SEPTIN6: variants seen among roughly 807,000 people sequenced by gnomAD.
SEPTIN6 encodes septin 6, also known as septin-6.
SEPTIN6 carries 8 observed loss-of-function variants against 33.6 expected under a neutral mutation model. The observed-to-expected ratio is 0.24, with a 90% CI of 0.14 to 0.43. SEPTIN6 has a LOEUF of 0.43. Ranked by LOEUF, SEPTIN6 falls within the 20% of genes least tolerant of loss-of-function variation. SEPTIN6 has a pLI of 1.00. For missense variants in SEPTIN6, 250 were observed against 340.8 expected (o/e 0.73, Z 2.10); for synonymous variants, 131 against 140.0 (o/e 0.94, Z 0.45).
chrX:119,652,141 C>T (rs2054361339), intron 4 of SEPTIN6, among the ~76,000 whole-genome samples: 1 of 112,015 alleles, frequency 8.9e-6, no homozygotes, highest in Non-Finnish European at 1.9e-5. Flanking sequence ...CCAGGCTGGT[C>T]TCGAACTCCT....
chrX:119,666,506 G>A (rs1201530633), intron 2 of SEPTIN6, among the ~76,000 whole-genome samples: 1 of 111,636 alleles, frequency 9.0e-6, no homozygotes, highest in Non-Finnish European at 1.9e-5. Context: ...TCTGTGTGTG[G>A]ACAGAGAGAA....
chrX:119,670,535 T>C (rs1275601615), intron 2 of SEPTIN6, among the ~76,000 whole-genome samples: 2 of 88,332 alleles, frequency 2.3e-5, no homozygotes, highest in East Asian at 7.0e-4. Flanking sequence ...CACTGCAGCC[T>C]GGGTGACAGA....
chrX:119,692,960 C>T lies in SEPTIN6; in HGVS notation c.30+116G>A, dbSNP rs2055204485. 2.2e-5 allele frequency: 17 copies of T among 767,402 alleles called. No individual in the cohort carries two copies. In the South Asian group the frequency reaches 3.0e-4, roughly 13 times the overall value. 63.2% of individuals were successfully genotyped at this position (767,402 alleles called of 1,213,427 possible). A position where few individuals can be genotyped will look rare whatever the true frequency, so the allele number is the denominator to read the frequency against. ...CCCGGGAGCAGAAGTCCCACCGTGC[C>T]CTTGGCTCCTGGATGCTGCCCACTG... On this transcript the variant is annotated intron_variant, in intron 1 of 10. Coordinates refer to ENST00000394610, the MANE Select transcript of SEPTIN6 (RefSeq NM_145799.4).
downstream of SEPTIN6, chrX:119,616,629 G>A (rs1335734629): frequency 2.1e-6 from 2 of 975,259 alleles, no homozygotes; most frequent in Non-Finnish European, 2.9e-6. Flanking sequence ...CAGTTTGAGG[G>A]GAGAGGAAAT....
intron 8 of SEPTIN6, among the ~76,000 whole-genome samples, chrX:119,630,721 C>T (rs2053942557): frequency 9.0e-6 from 1 of 110,672 alleles, no homozygotes. Context: ...GGTGAAACCT[C>T]GTCTCTACTA....
At chrX:119,691,303 G>A (rs1166418452) in intron 1 of SEPTIN6, among the ~76,000 whole-genome samples, 2 of 111,926 alleles carry the variant, frequency 1.8e-5, no homozygotes, top group Non-Finnish European at 3.8e-5. Flanking sequence ...TGGAGGACAG[G>A]TCGATGCAAA....
At chrX:119,655,554 G>T (rs1244870882) in intron 3 of SEPTIN6, among the ~76,000 whole-genome samples, 1 of 111,231 alleles carries the variant, frequency 9.0e-6, no homozygotes. Context: ...CTTCTCAACT[G>T]GAAATTTCTT....
chrX:119,675,606 C>T lies in SEPTIN6; in HGVS notation c.93G>A (p.Gln31=). ...GHVGFDSLPD[Q]LVNKSVSQGF... ...CCTGGCTGACGGACTTATTCACCAG[C>T]TGGTCAGGCAAGCTGTCAAACCCCA... Residue 31 remains glutamine, a synonymous_variant, in exon 2 of 11, where the codon CAG becomes CAA. Transcript: ENST00000394610. 4.3e-6 allele frequency: 5 copies of T among 1,171,477 alleles called. No homozygotes were observed. The highest frequency in any genetic ancestry group is 4.6e-6 in the Non-Finnish European group (4 of 871,937).
At chrX:119,684,343 A>T (rs753968398) in intron 1 of SEPTIN6, among the ~76,000 whole-genome samples, 6 of 111,461 alleles carry the variant, frequency 5.4e-5, no homozygotes, top group African/African-American at 2.0e-4. Flanking sequence ...AAGTCAAATC[A>T]TATATCCTGA....
chrX:119,661,368 T>C (rs1364344317), intron 3 of SEPTIN6, among the ~76,000 whole-genome samples: 1 of 110,810 alleles, frequency 9.0e-6, no homozygotes, highest in Non-Finnish European at 1.9e-5. Context: ...GAGGCGGAGC[T>C]TGCAGTGAGC....
At chrX:119,648,420 G>A (rs183796127) in intron 5 of SEPTIN6, among the ~76,000 whole-genome samples, 2 of 111,590 alleles carry the variant, frequency 1.8e-5, no homozygotes, top group African/African-American at 3.3e-5. Flanking sequence ...GACACTTCTC[G>A]CGAGGCTCCC....
chrX:119,644,038 T>C (rs1247630908), intron 5 of SEPTIN6, among the ~76,000 whole-genome samples: 1 of 111,181 alleles, frequency 9.0e-6, no homozygotes, highest in Non-Finnish European at 1.9e-5. Flanking sequence ...TACTTCTAGG[T>C]CCTACCAATG....
chrX:119,653,303 T>C (rs2054380268), intron 3 of SEPTIN6, among the ~76,000 whole-genome samples: 1 of 111,741 alleles, frequency 8.9e-6, no homozygotes, highest in Non-Finnish European at 1.9e-5. Flanking sequence ...CTCCCAGACC[T>C]CAGGGCTCAG....
chrX:119,650,205 G>A, intron 4 of SEPTIN6, 107 bp from the exon 5 acceptor site: 1 of 756,791 alleles, frequency 1.3e-6, no homozygotes, highest in Non-Finnish European at 2.0e-6. Context: ...CAGCCCAGTG[G>A]TCAAAGACTG....
chrX:119,664,652 A>G, intron 2 of SEPTIN6, among the ~76,000 whole-genome samples: 1 of 108,359 alleles, frequency 9.2e-6, no homozygotes, highest in East Asian at 2.9e-4. Context: ...ACATTGTGAA[A>G]CCCTGTCTCT....
intron 4 of SEPTIN6, among the ~76,000 whole-genome samples, chrX:119,652,467 G>A (rs1486955777): frequency 8.9e-6 from 1 of 112,199 alleles, no homozygotes; most frequent in Non-Finnish European, 1.9e-5. Flanking sequence ...AATGTTAACT[G>A]CAATCATAAA....
chrX:119,686,102 G>A, intron 1 of SEPTIN6, among the ~76,000 whole-genome samples: 1 of 111,976 alleles, frequency 8.9e-6, no homozygotes, highest in Non-Finnish European at 1.9e-5. Context: ...TTTTCTAGGT[G>A]TTCTGGCTAT....
At chrX:119,684,768 G>A (rs1321803948) in intron 1 of SEPTIN6, among the ~76,000 whole-genome samples, 1 of 111,667 alleles carries the variant, frequency 9.0e-6, no homozygotes, top group Non-Finnish European at 1.9e-5. Context: ...TGGGATTACA[G>A]GTGTGAGCCC....
intron 2 of SEPTIN6, among the ~76,000 whole-genome samples, chrX:119,670,016 C>T (rs1350216967): frequency 8.9e-6 from 1 of 111,735 alleles, no homozygotes. Context: ...CTCTTTGGGG[C>T]TTGTTCCCAG....
Sources: allele counts gnomAD v4.1 joint callset (sites outside exome capture counted in the v4.1 genomes callset), GRCh38; gene constraint gnomAD v4.1.1; transcripts MANE v1.5; gene names NCBI Gene and HGNC (gene_info 2026-07-23, HGNC 2026-07-21).